Variants in FA2H observed in about 807,000 individuals in gnomAD.
The protein encoded by FA2H is fatty acid alpha-hydroxylase.
In FA2H, 22 loss-of-function variants were observed where a neutral mutation model predicts 44.9. The ratio of observed to expected loss-of-function variants is 0.49; its 90% CI spans 0.35 to 0.70. FA2H has a LOEUF of 0.70. FA2H is among the 30% of genes least tolerant of loss of function. The probability of loss-of-function intolerance (pLI) is 0.01; values close to 1 mark genes in which losing one functional copy is unlikely to be tolerated. For synonymous variants in FA2H, 243 were observed against 213.2 expected, an observed-to-expected ratio of 1.14 and a Z score of -1.22; for missense variants, 501 against 504.9, an observed-to-expected ratio of 0.99 and a Z score of 0.07.
At chr16:74,714,927 C>T (rs1271039258) in intron 6 of FA2H, among the ~76,000 whole-genome samples, 1 of 150,868 alleles carries the variant, frequency 6.6e-6, no homozygotes, top group Non-Finnish European at 1.5e-5. Context: ...AGCTCCGCCT[C>T]CTGGGTCCAA....
At chr16:74,714,567 T>C (rs1221837787) in intron 6 of FA2H, among the ~76,000 whole-genome samples, 1 of 146,462 alleles carries the variant, frequency 6.8e-6, no homozygotes, top group Non-Finnish European at 1.5e-5. Context: ...GGGGCCCAAG[T>C]TCATTCCTGC....
intron 1 of FA2H, among the ~76,000 whole-genome samples, chr16:74,751,888 G>T (rs56069843): frequency 6.6e-6 from 1 of 152,116 alleles, no homozygotes; most frequent in East Asian, 1.9e-4. Flanking sequence ...TATTCAATCA[G>T]TATTCAAAAT....
intron 1 of FA2H, among the ~76,000 whole-genome samples, chr16:74,774,063 G>A (rs1962960867): frequency 6.6e-6 from 1 of 152,138 alleles, no homozygotes; most frequent in Admixed American, 6.5e-5. Flanking sequence ...GGAACAGGTT[G>A]AGCCCATTAT....
At position 74,774,545 on chromosome 16, in the gene FA2H, C is replaced by A; in HGVS notation, c.211G>T (p.Ala71Ser). ...TGCTCCAGCCAGCGGCGCGCGTTGGCCGAGTGCCTGTGCGGCGGCCCGTCC... is the reference window on the plus strand; with the variant it reads ...TGCTCCAGCCAGCGGCGCGCGTTGGACGAGTGCCTGTGCGGCGGCCCGTCC... ...DLDGPPHRHS[A>S]NARRWLEQYY... The change falls in exon 1 of 7, where the codon GCC becomes TCC. Residue 71 changes from alanine to serine, a missense_variant. Physicochemically the swap from Ala to Ser is moderately conservative, Grantham distance 99 (BLOSUM62 1). Coordinates refer to ENST00000219368, the MANE Select transcript of FA2H (RefSeq NM_024306.5). 1.9e-6 allele frequency: 3 copies of A among 1,546,018 alleles called. No individual in the cohort carries two copies. Among genetic ancestry groups the A allele is most frequent in the East Asian group, 4.9e-5 (2 of 40,494 alleles).
intron 1 of FA2H, among the ~76,000 whole-genome samples, chr16:74,773,701 A>G (rs1962951517): frequency 6.6e-6 from 1 of 152,202 alleles, no homozygotes; most frequent in Non-Finnish European, 1.5e-5. Flanking sequence ...TGAGCCTCAG[A>G]TTCCATATCC....
At chr16:74,759,950 C>T (rs1278175372) in intron 1 of FA2H, among the ~76,000 whole-genome samples, 1 of 152,166 alleles carries the variant, frequency 6.6e-6, no homozygotes, top group East Asian at 1.9e-4. Context: ...TACAAAGTTA[C>T]CTTGTCCTGG....
Position 74,737,642 on chromosome 16 carries a change from C to G in FA2H, c.363+2381G>C, listed in dbSNP as rs74875503. On this transcript the variant is annotated intron_variant, in intron 2 of 6. Transcript: ENST00000219368. ...CTTCTAGGGCCAGGGAAACTGGGCCCCGGGAGGCCAGGACTCCAGTCTTTG... is the reference window on the plus strand; with the variant it reads ...CTTCTAGGGCCAGGGAAACTGGGCCGCGGGAGGCCAGGACTCCAGTCTTTG... Among the ~76,000 whole-genome samples, 247 of 152,288 alleles carry G rather than the reference C, an allele frequency of 1.6e-3. 1 individual carries two copies. Among genetic ancestry groups the G allele is most frequent in the African/African-American group, 5.6e-3 (232 of 41,562 alleles).
chr16:74,738,352 C>T (rs1350094357), intron 2 of FA2H, among the ~76,000 whole-genome samples: 3 of 152,128 alleles, frequency 2.0e-5, no homozygotes, highest in South Asian at 2.1e-4. Flanking sequence ...GCATAGGTGA[C>T]GGTGGCACAG....
At chr16:74,770,588 C>G (rs1962887971) in intron 1 of FA2H, among the ~76,000 whole-genome samples, 1 of 152,154 alleles carries the variant, frequency 6.6e-6, no homozygotes, top group African/African-American at 2.4e-5. Flanking sequence ...CCAGGCTGGT[C>G]TCGAACTCCT....
intron 3 of FA2H, among the ~76,000 whole-genome samples, chr16:74,727,002 T>C (rs1467611671): frequency 2.0e-5 from 3 of 152,210 alleles, no homozygotes; most frequent in African/African-American, 7.2e-5. Flanking sequence ...CATAAGAGTC[T>C]GGAATAGACC....
At chr16:74,754,545 T>C (rs1026481302) in intron 1 of FA2H, among the ~76,000 whole-genome samples, 11 of 152,194 alleles carry the variant, frequency 7.2e-5, no homozygotes, top group African/African-American at 2.4e-4. Context: ...TATTTATTTT[T>C]GAGACAGGGT....
intron 1 of FA2H, among the ~76,000 whole-genome samples, chr16:74,767,755 T>A (rs548551321): frequency 5.9e-5 from 9 of 152,336 alleles, no homozygotes; most frequent in Non-Finnish European, 8.8e-5. Context: ...ACTTTGGAAC[T>A]GTAAGAGAGT....
Position 74,714,105 on chromosome 16 carries a change from C to T in FA2H, c.*85G>A, listed in dbSNP as rs1220113525. 1 of 870,268 alleles carries T rather than the reference C, an allele frequency of 1.1e-6. No homozygotes were observed. The highest frequency in any genetic ancestry group is 1.9e-6 in the Non-Finnish European group (1 of 536,044). 53.9% of individuals were successfully genotyped at this position (870,268 alleles called of 1,614,324 possible). A position where few individuals can be genotyped will look rare whatever the true frequency, so the allele number is the denominator to read the frequency against. ...AGCCCATCCTGCCTGGCCAAGCCAA[C>T]CTTCTTAATGGGGTCTGAATGGCGG... On this transcript the variant is annotated 3_prime_UTR_variant, in exon 7 of 7. Transcript: ENST00000219368.
At chr16:74,771,611 C>T (rs1962908333) in intron 1 of FA2H, among the ~76,000 whole-genome samples, 1 of 152,122 alleles carries the variant, frequency 6.6e-6, no homozygotes, top group Non-Finnish European at 1.5e-5. Flanking sequence ...CCTGGGATTA[C>T]AGGTATGAGC....
chr16:74,719,389 G>A (rs1237508105), intron 4 of FA2H, among the ~76,000 whole-genome samples: 1 of 152,244 alleles, frequency 6.6e-6, no homozygotes, highest in African/African-American at 2.4e-5. Flanking sequence ...ACTGGCTGGA[G>A]GCCTGACATC....
At chr16:74,750,943 G>A (rs555013093) in intron 1 of FA2H, among the ~76,000 whole-genome samples, 10 of 152,028 alleles carry the variant, frequency 6.6e-5, no homozygotes, top group African/African-American at 2.2e-4. Flanking sequence ...CACAATGGCC[G>A]GCTAATCTGT....
chr16:74,723,849 G>A (rs1961891509), intron 4 of FA2H, among the ~76,000 whole-genome samples: 1 of 152,106 alleles, frequency 6.6e-6, no homozygotes, highest in African/African-American at 2.4e-5. Flanking sequence ...GGAGGTAACA[G>A]AGTATCTGAT....
chr16:74,768,378 G>A (rs1962846707), intron 1 of FA2H, among the ~76,000 whole-genome samples: 1 of 152,202 alleles, frequency 6.6e-6, no homozygotes, highest in South Asian at 2.1e-4. Flanking sequence ...CTGGGCCCTG[G>A]ATGCCCCACC....
intron 1 of FA2H, among the ~76,000 whole-genome samples, chr16:74,774,016 C>T (rs779291089): frequency 5.9e-5 from 9 of 152,124 alleles, no homozygotes; most frequent in Non-Finnish European, 1.0e-4. Flanking sequence ...CTGATCTGTG[C>T]CTCTTTGAAG....
Sources: allele counts gnomAD v4.1 joint callset (sites outside exome capture counted in the v4.1 genomes callset), GRCh38; gene constraint gnomAD v4.1.1; transcripts MANE v1.5; gene names NCBI Gene and HGNC (gene_info 2026-07-23, HGNC 2026-07-21).